DYNC1I1: variants seen among roughly 807,000 people sequenced by gnomAD.
DYNC1I1 encodes the protein cytoplasmic dynein 1 intermediate chain 1.
Under a neutral mutation model 86.6 loss-of-function variants are expected in DYNC1I1, and 43 were observed. The observed-to-expected ratio is 0.50, with a 90% CI of 0.39 to 0.64. The LOEUF is 0.64. DYNC1I1 is among the 30% of genes least tolerant of loss of function. The pLI is 0.00. For missense variants in DYNC1I1, 604 were observed against 788.8 expected (o/e 0.77, Z 2.81); for synonymous variants, 262 against 283.7 (o/e 0.92, Z 0.77).
At chr7:95,895,747 A>G (rs1790867091) in intron 6 of DYNC1I1, among the ~76,000 whole-genome samples, 1 of 152,246 alleles carries the variant, frequency 6.6e-6, no homozygotes. Context: ...AGAAATGGCC[A>G]TTAAAGTGAT....
At chr7:95,803,222 G>A (rs896112411) in intron 1 of DYNC1I1, among the ~76,000 whole-genome samples, 1 of 152,182 alleles carries the variant, frequency 6.6e-6, no homozygotes, top group African/African-American at 2.4e-5. Context: ...AATGTCAAAG[G>A]CCTGGCACTG....
At chr7:96,021,955 C>T (rs908824708) in intron 10 of DYNC1I1, among the ~76,000 whole-genome samples, 3 of 152,062 alleles carry the variant, frequency 2.0e-5, no homozygotes, top group African/African-American at 4.8e-5. Flanking sequence ...TGAATAATGC[C>T]GCTGTGGACA....
At chr7:96,023,330 G>T (rs554407930) in intron 10 of DYNC1I1, among the ~76,000 whole-genome samples, 1 of 152,264 alleles carries the variant, frequency 6.6e-6, no homozygotes. Context: ...CTCCCACCCA[G>T]GCATGATGGC....
At chr7:95,975,397 G>T (rs1793278055) in intron 6 of DYNC1I1, among the ~76,000 whole-genome samples, 1 of 152,140 alleles carries the variant, frequency 6.6e-6, no homozygotes, top group Non-Finnish European at 1.5e-5. Flanking sequence ...CTAACTTCCG[G>T]TGGTTTTCTG....
intron 14 of DYNC1I1, among the ~76,000 whole-genome samples, chr7:96,059,040 AC>A (rs1238711055): frequency 6.6e-6 from 1 of 152,134 alleles, no homozygotes; most frequent in Non-Finnish European, 1.5e-5. Context: ...TGAGGGAGAT[AC>A]TGGATTTGAT....
intron 9 of DYNC1I1, among the ~76,000 whole-genome samples, chr7:95,988,468 G>A (rs1479195215): frequency 1.3e-5 from 2 of 152,126 alleles, no homozygotes; most frequent in African/African-American, 4.8e-5. Context: ...GTGAAAGCAG[G>A]CAAATTTACC....
intron 5 of DYNC1I1, among the ~76,000 whole-genome samples, chr7:95,844,497 G>A (rs1316252786): frequency 6.6e-6 from 1 of 152,156 alleles, no homozygotes; most frequent in Non-Finnish European, 1.5e-5. Flanking sequence ...AATTGATGAA[G>A]GCCTGCTATG....
intron 10 of DYNC1I1, among the ~76,000 whole-genome samples, chr7:96,003,458 T>C (rs1331977495): frequency 3.3e-5 from 5 of 152,208 alleles, no homozygotes; most frequent in African/African-American, 4.8e-5. Context: ...GTTTAGCATA[T>C]CTGTTAAAAG....
intron 15 of DYNC1I1, 120 bp from the exon 16 acceptor site, chr7:96,080,243 G>T: frequency 7.7e-7 from 1 of 1,302,466 alleles, no homozygotes. Flanking sequence ...CAAGGGATGT[G>T]TATTACTTAA....
intron 10 of DYNC1I1, among the ~76,000 whole-genome samples, chr7:96,011,767 T>G (rs1327188884): frequency 6.6e-6 from 1 of 152,216 alleles, no homozygotes; most frequent in African/African-American, 2.4e-5. Context: ...TTCAATTAAC[T>G]TTCAATTATT....
intron 10 of DYNC1I1, among the ~76,000 whole-genome samples, chr7:96,019,128 G>A (rs1385491122): frequency 6.6e-6 from 1 of 152,094 alleles, no homozygotes; most frequent in Non-Finnish European, 1.5e-5. Flanking sequence ...TATACATTGT[G>A]GAAGGGCTAA....
Position 95,960,014 on chromosome 7 carries a change from A to G in DYNC1I1, c.491-17498A>G, listed in dbSNP as rs570047341. Among the ~76,000 whole-genome samples the G allele has an allele frequency of 2.5e-4, 38 of 152,318 alleles. No homozygotes were observed. In the South Asian group the frequency reaches 7.0e-3, roughly 28 times the overall value. ...GACTTGTGCAGTGTAAGGATAAAAAACTAGGCAAAGGTTAGATCACAGGAG... is the reference window on the plus strand; with the variant it reads ...GACTTGTGCAGTGTAAGGATAAAAAGCTAGGCAAAGGTTAGATCACAGGAG... On this transcript the variant is annotated intron_variant, in intron 6 of 16. Coordinates refer to ENST00000447467, the MANE Select transcript of DYNC1I1 (RefSeq NM_001135556.2).
At chr7:96,058,934 G>T (rs78008550) in intron 14 of DYNC1I1, among the ~76,000 whole-genome samples, 1 of 150,136 alleles carries the variant, frequency 6.7e-6, no homozygotes, top group Non-Finnish European at 1.5e-5. Context: ...GTGAGCCACC[G>T]CACCTGGCCA....
In DYNC1I1 at chr7:96,097,573, A is replaced by G; in HGVS notation, c.1867A>G (p.Thr623Ala). Reference protein sequence around the residue: ...ANRADSEEEGTVELSA With the variant: ...ANRADSEEEGAVELSA ...CAGAGCTGATAGCGAGGAGGAAGGCACTGTTGAGTTATCTGCCTAGTGGAA... is the reference window on the plus strand; with the variant it reads ...CAGAGCTGATAGCGAGGAGGAAGGCGCTGTTGAGTTATCTGCCTAGTGGAA... The change falls in exon 17 of 17, where the codon ACT (threonine) becomes GCT (alanine). Residue 623 changes from threonine to alanine, a missense_variant. By Grantham distance (58) the Thr-to-Ala change is moderately conservative. Coordinates refer to ENST00000447467, the MANE Select transcript of DYNC1I1 (RefSeq NM_001135556.2). The G allele has an allele frequency of 6.2e-7, 1 of 1,613,752 alleles. No individual in the cohort carries two copies. Among genetic ancestry groups the G allele is most frequent in the Non-Finnish European group, 8.5e-7 (1 of 1,179,754 alleles).
intron 1 of DYNC1I1, among the ~76,000 whole-genome samples, chr7:95,790,846 C>T (rs1794282711): frequency 6.6e-6 from 1 of 152,106 alleles, no homozygotes; most frequent in Non-Finnish European, 1.5e-5. Context: ...AAGTTGTTTG[C>T]TTTGGTTGTG....
intron 9 of DYNC1I1, 66 bp downstream of exon 9, chr7:95,987,221 A>T: frequency 7.1e-7 from 1 of 1,414,688 alleles, no homozygotes; most frequent in Non-Finnish European, 9.9e-7. Flanking sequence ...ATAAAAAAAT[A>T]AGAGATTTGT....
intron 6 of DYNC1I1, among the ~76,000 whole-genome samples, chr7:95,872,893 G>A (rs757794379): frequency 2.0e-5 from 3 of 152,140 alleles, no homozygotes; most frequent in Non-Finnish European, 4.4e-5. Context: ...ATGAGGTCCT[G>A]GGCTTAGGGA....
At chr7:96,001,313 T>C (rs371022808) in intron 10 of DYNC1I1, among the ~76,000 whole-genome samples, 13 of 152,154 alleles carry the variant, frequency 8.5e-5, no homozygotes, top group African/African-American at 3.1e-4. Flanking sequence ...CCTCCAGCCA[T>C]TCACTGAGGT....
intron 6 of DYNC1I1, among the ~76,000 whole-genome samples, chr7:95,938,033 C>T (rs1792095699): frequency 6.6e-6 from 1 of 152,126 alleles, no homozygotes; most frequent in Non-Finnish European, 1.5e-5. Context: ...GGGCCCACTT[C>T]TTCCTTTTGG....
Sources: allele counts gnomAD v4.1 joint callset (sites outside exome capture counted in the v4.1 genomes callset), GRCh38; gene constraint gnomAD v4.1.1; transcripts MANE v1.5; gene names NCBI Gene and HGNC (gene_info 2026-07-23, HGNC 2026-07-21).